CASP5: variants seen among roughly 807,000 people sequenced by gnomAD.
CASP5 encodes the protein caspase 5.
Under a neutral mutation model 45.2 loss-of-function variants are expected in CASP5, and 42 were observed. The ratio of observed to expected loss-of-function variants is 0.93; its 90% CI spans 0.73 to 1.20. The LOEUF (loss-of-function observed/expected upper bound fraction) is 1.20, where lower values mean the gene tolerates loss of function less well. Among genes scored for constraint, CASP5 ranks in the 50% most tolerant of loss-of-function variants. The probability of loss-of-function intolerance (pLI) is 0.00; values close to 1 mark genes in which losing one functional copy is unlikely to be tolerated. For missense variants in CASP5, 512 were observed against 532.2 expected (o/e 0.96, Z 0.37); for synonymous variants, 209 against 186.2 (o/e 1.12, Z -1.00).
intron 9 of CASP5, 37 bp downstream of exon 9, chr11:104,995,703 T>C: frequency 7.4e-7 from 1 of 1,349,882 alleles, no homozygotes; most frequent in Non-Finnish European, 1.1e-6. Context: ...TATAGCTCTT[T>C]CATTTATTTC....
chr11:105,009,824 TAC>T (rs1565388398), intron 1 of CASP5, among the ~76,000 whole-genome samples: 1 of 94,206 alleles, frequency 1.1e-5, no homozygotes, highest in African/African-American at 5.9e-5. Flanking sequence ...CATATATATA[TAC>T]ACATATATAT....
chr11:104,998,943 A>C lies in CASP5; in HGVS notation c.1038T>G (p.Asp346Glu). 6.2e-7 allele frequency: 1 copy of C among 1,613,976 alleles called. No individual in the cohort carries two copies. The highest frequency in any genetic ancestry group is 8.5e-7 in the Non-Finnish European group (1 of 1,179,876). Residue 346 changes from aspartate (D) to glutamate (E), a missense_variant, in exon 7 of 10, where the codon GAT becomes GAG. Coordinates refer to ENST00000260315, the MANE Select transcript of CASP5 (RefSeq NM_004347.5). ...TCTCCTCGTGGATCTTGCAAACAGA[A>C]TCTGCCTCCAGGTTCTCAGATGACT... ...SSQSSENLEA[D>E]SVCKIHEEKD...
At chr11:105,009,720 CATATATATATATATATAT>C (rs199695891) in intron 1 of CASP5, among the ~76,000 whole-genome samples, 11 of 64,070 alleles carry the variant, frequency 1.7e-4, no homozygotes, top group Admixed American at 6.3e-4. Flanking sequence ...TATATACACA[CATATATATATATATATAT>C]ATATATATAT....
intron 1 of CASP5, among the ~76,000 whole-genome samples, chr11:105,009,816 T>TATATATATACACATATATATATACAC (rs1862224130): frequency 7.6e-5 from 8 of 105,514 alleles, no homozygotes; most frequent in Non-Finnish European, 1.3e-4. Context: ...TACACACACA[T>TATATATATACACATATATATATACAC]ATATATATAC....
chr11:105,021,574 G>C (rs1220411530), intron 1 of CASP5, among the ~76,000 whole-genome samples: 1 of 150,148 alleles, frequency 6.7e-6, no homozygotes, highest in African/African-American at 2.4e-5. Context: ...CACCATCACT[G>C]GCCATCAGAG....
intron 1 of CASP5, among the ~76,000 whole-genome samples, chr11:105,021,753 G>A (rs1223463783): frequency 1.3e-5 from 2 of 148,730 alleles, no homozygotes; most frequent in Non-Finnish European, 3.0e-5. Flanking sequence ...TCAGTGTGGC[G>A]ATTCCACAGG....
intron 1 of CASP5, among the ~76,000 whole-genome samples, chr11:105,013,679 G>A (rs1278856854): frequency 6.6e-6 from 1 of 152,082 alleles, no homozygotes; most frequent in Non-Finnish European, 1.5e-5. Flanking sequence ...CAGCCCAGAT[G>A]TGGATCCCGT....
chr11:105,019,697 A>T (rs1187009223), intron 1 of CASP5, among the ~76,000 whole-genome samples: 1 of 144,822 alleles, frequency 6.9e-6, no homozygotes, highest in Non-Finnish European at 1.5e-5. Context: ...CCAGGACCAG[A>T]TGGATTCACA....
chr11:105,018,993 T>G (rs1468159869), intron 1 of CASP5, among the ~76,000 whole-genome samples: 1 of 149,022 alleles, frequency 6.7e-6, no homozygotes, highest in East Asian at 1.9e-4. Context: ...AACTCAGGAT[T>G]AAGAATCTCA....
At chr11:105,012,528 A>G (rs1201780866) in intron 1 of CASP5, among the ~76,000 whole-genome samples, 7 of 151,930 alleles carry the variant, frequency 4.6e-5, no homozygotes, top group Admixed American at 4.6e-4. Flanking sequence ...CATATGTCTG[A>G]TAAGATATTA....
At position 105,000,507 on chromosome 11, in the gene CASP5, C is replaced by A. The variant is rs762270588; in HGVS notation, c.718-12G>T. On this transcript the variant is annotated splice_polypyrimidine_tract_variant and intron_variant, in intron 5 of 9. Coordinates refer to ENST00000260315, the MANE Select transcript of CASP5 (RefSeq NM_004347.5). The stretch of plus-strand genomic sequence containing the variant: ...ACTGACTCCATATCCTATAAAAGAG[C>A]AATGTCTAACTTCAGTCAGAGAAGC... 9.9e-6 allele frequency: 16 copies of A among 1,609,274 alleles called. No individual in the cohort carries two copies. Among genetic ancestry groups the A allele is most frequent in the Non-Finnish European group, 1.3e-5 (15 of 1,175,838 alleles).
chr11:105,007,631 C>T (rs1212289581), intron 2 of CASP5, among the ~76,000 whole-genome samples: 1 of 152,034 alleles, frequency 6.6e-6, no homozygotes, highest in Admixed American at 6.6e-5. Flanking sequence ...TTTCATATTT[C>T]TCTTTCTCTT....
chr11:105,011,254 T>G (rs1347609780), intron 1 of CASP5, among the ~76,000 whole-genome samples: 1 of 151,812 alleles, frequency 6.6e-6, no homozygotes, highest in Non-Finnish European at 1.5e-5. Context: ...AATATAGTTT[T>G]GACTGAATGA....
chr11:105,020,828 C>G lies in CASP5; in HGVS notation c.7+2302G>C, dbSNP rs567364973. 2.0e-5 allele frequency among the ~76,000 whole-genome samples: 3 copies of G among 151,992 alleles called. No individual in the cohort carries two copies. The East Asian group carries it at 5.8e-4, about 29-fold the overall frequency. On this transcript the variant is annotated intron_variant, in intron 1 of 9. Transcript: ENST00000260315. ...AACTACTTTACAGTTCATATGGAACCAAAAAAGAGCCCGCATTGCCACGTC... is the reference window on the plus strand; with the variant it reads ...AACTACTTTACAGTTCATATGGAACGAAAAAAGAGCCCGCATTGCCACGTC...
Position 105,008,904 on chromosome 11 carries a change from G to A in CASP5, c.84C>T (p.Asn28=), listed in dbSNP as rs572982923. Residue 28 remains asparagine (N), a synonymous_variant, in exon 2 of 10, where the codon AAC becomes AAT. Coordinates refer to ENST00000260315, the MANE Select transcript of CASP5 (RefSeq NM_004347.5). ...FKGILQSGLD[N]FVINHMLKNN... ...TCTTTAGCATGTGGTTTATCACGAAGTTATCCAATCCACTCTGAAGGATAC... is the reference window on the plus strand; with the variant it reads ...TCTTTAGCATGTGGTTTATCACGAAATTATCCAATCCACTCTGAAGGATAC... The A allele has an allele frequency of 2.5e-6, 4 of 1,612,862 alleles. No homozygotes were observed. The East Asian group carries it at 8.9e-5, about 36-fold the overall frequency.
At chr11:105,003,865 A>C (rs1192982502) in intron 3 of CASP5, among the ~76,000 whole-genome samples, 1 of 150,678 alleles carries the variant, frequency 6.6e-6, no homozygotes, top group Non-Finnish European at 1.5e-5. Context: ...AATTGTAATA[A>C]TATATTTATT....
intron 1 of CASP5, among the ~76,000 whole-genome samples, chr11:105,009,720 C>CATATATATATATAT (rs199695891): frequency 6.2e-5 from 4 of 64,086 alleles, no homozygotes; most frequent in Admixed American, 4.2e-4. Flanking sequence ...TATATACACA[C>CATATATATATATAT]ATATATATAT....
intron 3 of CASP5, among the ~76,000 whole-genome samples, chr11:105,006,069 G>A (rs1222319236): frequency 6.6e-6 from 1 of 152,042 alleles, no homozygotes; most frequent in Non-Finnish European, 1.5e-5. Flanking sequence ...AGTAGTTCAG[G>A]GCTGAAGATT....
chr11:105,011,835 G>A (rs1258142667), intron 1 of CASP5, among the ~76,000 whole-genome samples: 1 of 151,670 alleles, frequency 6.6e-6, no homozygotes, highest in Non-Finnish European at 1.5e-5. Flanking sequence ...TCATGAATTG[G>A]AAAATATTAC....
Sources: allele counts gnomAD v4.1 joint callset (sites outside exome capture counted in the v4.1 genomes callset), GRCh38; gene constraint gnomAD v4.1.1; transcripts MANE v1.5; gene names NCBI Gene and HGNC (gene_info 2026-07-23, HGNC 2026-07-21).